SLC25A48: variants seen among roughly 807,000 people sequenced by gnomAD.
The protein encoded by SLC25A48 is solute carrier family 25 member 48.
SLC25A48 carries 29 observed loss-of-function variants against 32.2 expected under a neutral mutation model. The ratio of observed to expected loss-of-function variants is 0.90; its 90% CI spans 0.67 to 1.23. The LOEUF (loss-of-function observed/expected upper bound fraction) is 1.23. Ranked by LOEUF, SLC25A48 falls within the 50% of genes most tolerant of loss-of-function variation. The pLI is 0.00. For synonymous variants in SLC25A48, 164 were observed against 172.3 expected, an observed-to-expected ratio of 0.95 and a Z score of 0.38; for missense variants, 399 against 422.7, an observed-to-expected ratio of 0.94 and a Z score of 0.49.
At chr5:135,653,585 G>C (rs1753168876) in intron 3 of SLC25A48, among the ~76,000 whole-genome samples, 1 of 152,170 alleles carries the variant, frequency 6.6e-6, no homozygotes, top group African/African-American at 2.4e-5. Context: ...TCAAGACAGT[G>C]ATAGAGACGA....
rs149480607 is a variant in SLC25A48, at chr5:135,854,308, G to A, written c.421+1487G>A. 3.9e-5 allele frequency among the ~76,000 whole-genome samples: 6 copies of A among 152,328 alleles called. No homozygotes were observed. In the East Asian group the frequency reaches 1.2e-3, roughly 29 times the overall value. ...TTTTGAAACTTCAAAGCCAGGCATT[G>A]ACGTCTCCTCTCTAGCTATGAAGTC... On this transcript the variant is annotated intron_variant, in intron 4 of 7. Transcript: ENST00000681962.
intron 4 of SLC25A48, among the ~76,000 whole-genome samples, chr5:135,867,272 G>A (rs1761278283): frequency 6.6e-6 from 1 of 152,204 alleles, no homozygotes; most frequent in Non-Finnish European, 1.5e-5. Flanking sequence ...TGTGAGCTGT[G>A]TCCTGATCCG....
intron 1 of SLC25A48, among the ~76,000 whole-genome samples, chr5:135,616,005 C>T (rs988438): frequency 0.012 from 1,830 of 152,332 alleles, 26 homozygotes; most frequent in Middle Eastern, 0.051. Context: ...GCCTTGGAGG[C>T]TTCATCTTGG....
intron 3 of SLC25A48, among the ~76,000 whole-genome samples, chr5:135,773,367 A>G (rs1756464848): frequency 6.6e-6 from 1 of 151,342 alleles, no homozygotes. Flanking sequence ...ACAATATCAT[A>G]GCGGGGTGTA....
intron 3 of SLC25A48, among the ~76,000 whole-genome samples, chr5:135,739,505 T>A (rs1755452673): frequency 1.3e-5 from 2 of 152,144 alleles, no homozygotes; most frequent in Admixed American, 1.3e-4. Flanking sequence ...TCCAAGGCCG[T>A]TTGGCAATGA....
At chr5:135,713,363 A>G (rs979610932) in intron 3 of SLC25A48, among the ~76,000 whole-genome samples, 1 of 152,184 alleles carries the variant, frequency 6.6e-6, no homozygotes, top group African/African-American at 2.4e-5. Context: ...TTTCACAACT[A>G]TGAACTTGTG....
chr5:135,641,983 A>G (rs1477852629), intron 3 of SLC25A48, among the ~76,000 whole-genome samples: 1 of 152,104 alleles, frequency 6.6e-6, no homozygotes, highest in African/African-American at 2.4e-5. Context: ...GGCTTTACAT[A>G]TTTTTCTGAA....
intron 3 of SLC25A48, among the ~76,000 whole-genome samples, chr5:135,801,786 G>A (rs1757333858): frequency 6.6e-6 from 1 of 151,692 alleles, no homozygotes; most frequent in Non-Finnish European, 1.5e-5. Context: ...CAGGGAGAAA[G>A]GGAATAATAT....
intron 2 of SLC25A48, among the ~76,000 whole-genome samples, chr5:135,630,579 G>T (rs184124449): frequency 6.9e-6 from 1 of 145,718 alleles, no homozygotes; most frequent in Non-Finnish European, 1.5e-5. Context: ...AGATGGTTAG[G>T]CTGGGCACCT....
intron 1 of SLC25A48, among the ~76,000 whole-genome samples, chr5:135,628,793 C>T (rs1752496099): frequency 6.6e-6 from 1 of 152,126 alleles, no homozygotes; most frequent in Admixed American, 6.5e-5. Context: ...CACCTGTCCT[C>T]CCTCCCTCCT....
At chr5:135,812,087 A>C (rs1757601034) in intron 3 of SLC25A48, among the ~76,000 whole-genome samples, 1 of 152,274 alleles carries the variant, frequency 6.6e-6, no homozygotes, top group African/African-American at 2.4e-5. Flanking sequence ...GTCTCAAAAA[A>C]AATAAATAAA....
At chr5:135,719,093 C>T (rs1754885558) in intron 3 of SLC25A48, among the ~76,000 whole-genome samples, 1 of 152,190 alleles carries the variant, frequency 6.6e-6, no homozygotes, top group Non-Finnish European at 1.5e-5. Flanking sequence ...AAAGGGTACA[C>T]AGGATTTCTC....
intron 3 of SLC25A48, among the ~76,000 whole-genome samples, chr5:135,695,808 T>C (rs1490949903): frequency 6.6e-6 from 1 of 152,202 alleles, no homozygotes; most frequent in Non-Finnish European, 1.5e-5. Context: ...TATGGGCCCT[T>C]GGGTTCAGAA....
chr5:135,633,778 TGGAGAG>T (rs1752635009), intron 2 of SLC25A48, among the ~76,000 whole-genome samples: 1 of 152,174 alleles, frequency 6.6e-6, no homozygotes, highest in African/African-American at 2.4e-5. Context: ...TTTAATCTAA[TGGAGAG>T]GGAGGCTGAT....
chr5:135,860,004 C>T (rs1239957986), intron 4 of SLC25A48, among the ~76,000 whole-genome samples: 2 of 152,172 alleles, frequency 1.3e-5, no homozygotes, highest in African/African-American at 4.8e-5. Flanking sequence ...TAGCAGAATT[C>T]AGGCTCCTCT....
At chr5:135,735,190 G>C (rs1321890291) in intron 3 of SLC25A48, among the ~76,000 whole-genome samples, 1 of 152,190 alleles carries the variant, frequency 6.6e-6, no homozygotes, top group African/African-American at 2.4e-5. Context: ...CTGCGGTTTA[G>C]GTGTTTGGAA....
chr5:135,766,354 A>AG (rs78167640), intron 3 of SLC25A48, among the ~76,000 whole-genome samples: 2,161 of 134,912 alleles, frequency 0.016, 38 homozygotes, highest in African/African-American at 0.054. Context: ...TGTAATATCA[A>AG]GGGGGGGGGA....
chr5:135,691,182 C>G (rs12516549), intron 3 of SLC25A48, among the ~76,000 whole-genome samples: 3,372 of 152,248 alleles, frequency 0.022, 49 homozygotes, highest in Non-Finnish European at 0.031. Context: ...AAAGCAAAAC[C>G]TGGAAAAGGC....
intron 3 of SLC25A48, among the ~76,000 whole-genome samples, chr5:135,754,876 T>C (rs1278914190): frequency 2.0e-5 from 3 of 152,114 alleles, no homozygotes; most frequent in Admixed American, 6.5e-5. Context: ...GTCCAGTGTT[T>C]ATACACTGTG....
Sources: allele counts gnomAD v4.1 joint callset (sites outside exome capture counted in the v4.1 genomes callset), GRCh38; gene constraint gnomAD v4.1.1; transcripts MANE v1.5; gene names NCBI Gene and HGNC (gene_info 2026-07-23, HGNC 2026-07-21).